Variants in ENKD1 observed in about 807,000 individuals in gnomAD.
ENKD1 encodes the protein enkurin domain-containing protein 1.
ENKD1 carries 39 observed loss-of-function variants against 35.8 expected under a neutral mutation model. That is an observed-to-expected ratio of 1.09 (90% CI 0.84 to 1.42). The LOEUF (loss-of-function observed/expected upper bound fraction) is 1.42. Among genes scored for constraint, ENKD1 ranks in the 40% most tolerant of loss-of-function variants. The pLI is 0.00. For missense variants in ENKD1, 474 were observed against 471.3 expected (o/e 1.01, Z -0.05); for synonymous variants, 205 against 198.6 (o/e 1.03, Z -0.27).
chr16:67,663,667 C>G lies in ENKD1; in HGVS notation c.733G>C (p.Val245Leu). ...EHYNATQKGHVPHYLLERRDL... is the reference protein window; with the variant it reads ...EHYNATQKGHLPHYLLERRDL... ...GGCAGTGAGACCTACTAATGTGGCACATGGCCCTTCTGCGTGGCATTGTAG... is the reference window on the plus strand; with the variant it reads ...GGCAGTGAGACCTACTAATGTGGCAGATGGCCCTTCTGCGTGGCATTGTAG... Residue 245 changes from valine to leucine, a missense_variant, in exon 5 of 7, where the codon GTG becomes CTG. Transcript: ENST00000243878. 6.2e-7 allele frequency: 1 copy of G among 1,611,838 alleles called. No individual in the cohort carries two copies. The highest frequency in any genetic ancestry group is 8.5e-7 in the Non-Finnish European group (1 of 1,178,592).
chr16:67,663,266 C>T lies in ENKD1; in HGVS notation c.936G>A (p.Leu312=), dbSNP rs1294899512. ...LVLLPAGADS[L]RAQSHRAELD... is the part of the protein sequence containing the mutation. ...GCTCAGCACGGTGGCTCTGGGCTCT[C>T]AGTGAGTCTGCCCCAGCAGGCAGCA... The change falls in exon 7 of 7, where the codon CTG becomes CTA. Residue 312 remains leucine, a synonymous_variant. Transcript: ENST00000243878. The T allele has an allele frequency of 1.2e-6, 2 of 1,613,868 alleles. No homozygotes were observed. Among genetic ancestry groups the T allele is most frequent in the Admixed American group, 3.3e-5 (2 of 60,030 alleles).
Position 67,664,019 on chromosome 16 carries a change from C to T in ENKD1, c.497G>A (p.Arg166Gln), listed in dbSNP as rs143645135. Residue 166 changes from arginine to glutamine, a missense_variant, in exon 4 of 7, where the codon CGG (arginine) becomes CAG (glutamine). Coordinates refer to ENST00000243878, the MANE Select transcript of ENKD1 (RefSeq NM_032140.3). ...GCCAGGGCCGCAGCGGGAGTGCGCCCGCAGGAAGTGGGCAGACTCTGTCCC... is the reference window on the plus strand; with the variant it reads ...GCCAGGGCCGCAGCGGGAGTGCGCCTGCAGGAAGTGGGCAGACTCTGTCCC... The part of the protein sequence containing the change: ...ASGTESAHFL[R>Q]AHSRCGPGLP... 0.023 allele frequency: 36,435 copies of T among 1,567,660 alleles called. 496 individuals carry two copies. Among genetic ancestry groups the T allele is most frequent in the Non-Finnish European group, 0.028 (32,399 of 1,155,598 alleles).
At chr16:67,665,292 CT>C in intron 2 of ENKD1, 124 bp from the exon 3 acceptor site, 1 of 994,764 alleles carries the variant, frequency 1.0e-6, no homozygotes, top group Non-Finnish European at 1.5e-6. Context: ...CTCCAACTAC[CT>C]TAGACCCTAC....
At chr16:67,665,492 G>A (rs538437292) in intron 2 of ENKD1, among the ~76,000 whole-genome samples, 1 of 152,106 alleles carries the variant, frequency 6.6e-6, no homozygotes, top group African/African-American at 2.4e-5. Flanking sequence ...CTGCCGAGTA[G>A]CTGGGATTAC....
Position 67,663,422 on chromosome 16 carries a change from T to A in ENKD1, c.878A>T (p.Gln293Leu). Residue 293 changes from glutamine (Q) to leucine (L), a missense_variant and splice_region_variant, in exon 6 of 7, where the codon CAG becomes CTG. Transcript: ENST00000243878. Reference protein sequence around the residue: ...QRLETLTKLLQSQSQLLRELV... With the variant: ...QRLETLTKLLLSQSQLLRELV... ...AGCCTCCCTGCCCAGGTACTCACTC[T>A]GGAGCAGCTTGGTCAGTGTTTCCAG... The A allele has an allele frequency of 6.2e-7, 1 of 1,613,132 alleles. No individual in the cohort carries two copies. The highest frequency in any genetic ancestry group is 1.3e-5 in the African/African-American group (1 of 75,072).
Position 67,666,405 on chromosome 16 carries a change from G to A in ENKD1, c.38C>T (p.Pro13Leu). 6.4e-7 allele frequency: 1 copy of A among 1,561,136 alleles called. No individual in the cohort carries two copies. The highest frequency in any genetic ancestry group is 8.6e-7 in the Non-Finnish European group (1 of 1,161,882). ...EGPSRISGPI[P>L]PDPTLCPDNY... ...GTCAGGACAGAGCGTCGGGTCTGGG[G>A]GGATGGGCCCCGAGATGCGGGACGG... Residue 13 changes from proline to leucine, a missense_variant, in exon 1 of 7, where the codon CCC becomes CTC. By Grantham distance (98) the Pro-to-Leu change is moderately conservative. Transcript: ENST00000243878.
Position 67,666,565 on chromosome 16 carries a change from G to T in ENKD1, c.-123C>A. The T allele has an allele frequency of 1.1e-6, 1 of 935,444 alleles. No individual in the cohort carries two copies. Among genetic ancestry groups the T allele is most frequent in the Non-Finnish European group, 1.5e-6 (1 of 675,618 alleles). The allele number at this position is 935,444 out of a possible 1,614,324, so 57.9% of individuals were successfully genotyped here. On this transcript the variant is annotated 5_prime_UTR_variant, in exon 1 of 7. Transcript: ENST00000243878. ...CCGGCACCCTGACCCTGGCGTGCCC[G>T]CCACTCCCGGGCCCCTGCCGGTCCC...
rs549456597 is a variant in ENKD1, at chr16:67,664,169, G to A, written c.454-107C>T. 1,984 of 993,680 alleles carry A rather than the reference G, an allele frequency of 2.0e-3. 4 individuals are homozygous for A. The highest frequency in any genetic ancestry group is 4.3e-3 in the Middle Eastern group (21 of 4,886). The allele number at this position is 993,680 out of a possible 1,614,324, so 61.6% of individuals were successfully genotyped here. ...TCTGACCTTTGCATCCATGTCCCTC[G>A]GGCCCTCTTCCCTCTTCAAGGGACA... On this transcript the variant is annotated intron_variant, in intron 3 of 6. Transcript: ENST00000243878.
In ENKD1 at chr16:67,666,618, C is replaced by T. The variant is rs544681527; in HGVS notation, c.-176G>A. The T allele has an allele frequency of 5.3e-5, 30 of 563,238 alleles. No individual in the cohort carries two copies. In the East Asian group the frequency reaches 9.4e-4, roughly 18 times the overall value. The allele number at this position is 563,238 out of a possible 1,614,324, so 34.9% of individuals were successfully genotyped here. ...CCTGGGCCCCGGCCTCGCTCGCCAC[C>T]TCCGCGACCTCTGCTCCCAGCCCAC... On this transcript the variant is annotated 5_prime_UTR_variant, in exon 1 of 7. Coordinates refer to ENST00000243878, the MANE Select transcript of ENKD1 (RefSeq NM_032140.3).
chr16:67,666,109 A>T lies in ENKD1; in HGVS notation c.242T>A (p.Leu81His). 1 of 1,612,752 alleles carries T rather than the reference A, an allele frequency of 6.2e-7. No individual in the cohort carries two copies. The highest frequency in any genetic ancestry group is 8.5e-7 in the Non-Finnish European group (1 of 1,179,968). Residue 81 changes from leucine to histidine, a missense_variant, in exon 2 of 7, where the codon CTC (leucine) becomes CAC (histidine). Leu to His is a moderately conservative substitution (Grantham distance 99). Transcript: ENST00000243878. ...CCCAGGACCTAGGGAGATCCCCTCGAGTTGCAACAGCACGTCCCCGACGCC... is the reference window on the plus strand; with the variant it reads ...CCCAGGACCTAGGGAGATCCCCTCGTGTTGCAACAGCACGTCCCCGACGCC... ...QRGVGDVLLQ[L>H]EGISLGPGAS...
chr16:67,664,885 T>C, intron 3 of ENKD1, 111 bp downstream of exon 3: 1 of 1,369,654 alleles, frequency 7.3e-7, no homozygotes, highest in Non-Finnish European at 9.8e-7. Context: ...CAGGGTCTCT[T>C]AGTCCTCTGT....
At position 67,665,103 on chromosome 16, in the gene ENKD1, T is replaced by C. The variant is rs577391610; in HGVS notation, c.346A>G (p.Arg116Gly). 6.2e-7 allele frequency: 1 copy of C among 1,613,980 alleles called. No homozygotes were observed. Among genetic ancestry groups the C allele is most frequent in the African/African-American group, 1.3e-5 (1 of 75,054 alleles). ...TGCTCCCGGCTGCGCTCCTGTTCTCTGAAGCGCTTCTGAATCTCCCTGATC... is the reference window on the plus strand; with the variant it reads ...TGCTCCCGGCTGCGCTCCTGTTCTCCGAAGCGCTTCTGAATCTCCCTGATC... ...RRIREIQKRFREQERSREQGQ... is the reference protein window; with the variant it reads ...RRIREIQKRFGEQERSREQGQ... Residue 116 changes from arginine (R) to glycine (G), a missense_variant, in exon 3 of 7, where the codon AGA becomes GGA. By Grantham distance (125) the Arg-to-Gly change is moderately radical (BLOSUM62 -2). Transcript: ENST00000243878.
At position 67,666,364 on chromosome 16, in the gene ENKD1, T is replaced by G; in HGVS notation, c.79A>C (p.Thr27Pro). ...TLCPDNYRRPTSAQGRLEGNA... is the reference protein window; with the variant it reads ...TLCPDNYRRPPSAQGRLEGNA... ...GCCAAGCCCCCGGACTCACCCGAGG[T>G]CGGCCGCCTGTAGTTGTCAGGACAG... is the stretch of plus-strand genomic sequence containing the variant. The change falls in exon 1 of 7, where the codon ACC becomes CCC. Residue 27 changes from threonine (T) to proline (P), a missense_variant. Thr to Pro is a conservative substitution (Grantham distance 38). Transcript: ENST00000243878. 6.3e-7 allele frequency: 1 copy of G among 1,578,214 alleles called. No individual in the cohort carries two copies. The highest frequency in any genetic ancestry group is 1.1e-5 in the South Asian group (1 of 88,426).
At chr16:67,665,975 A>T in intron 2 of ENKD1, 96 bp downstream of exon 2, 1 of 1,350,524 alleles carries the variant, frequency 7.4e-7, no homozygotes, top group South Asian at 1.4e-5. Flanking sequence ...AGAGATGCAA[A>T]GCCTGGGCCC....
At chr16:67,664,326 C>G (rs1201428624) in intron 3 of ENKD1, 2 of 549,532 alleles carry the variant, frequency 3.6e-6, no homozygotes, top group South Asian at 3.5e-5. Flanking sequence ...CTTCCTGGCT[C>G]TAGCCCTGCA....
rs772946321 is a variant in ENKD1, at chr16:67,663,402, C to T, written c.880+18G>A. The T allele has an allele frequency of 6.2e-7, 1 of 1,612,350 alleles. No individual in the cohort carries two copies. The highest frequency in any genetic ancestry group is 1.3e-5 in the African/African-American group (1 of 74,934). On this transcript the variant is annotated intron_variant, in intron 6 of 6. Transcript: ENST00000243878. ...CCCCAGTGGGGCCCCCCTCCAGCCT[C>T]CCTGCCCAGGTACTCACTCTGGAGC...
At position 67,666,330 on chromosome 16, in the gene ENKD1, C is replaced by G. The variant is rs777267669; in HGVS notation, c.85+28G>C. On this transcript the variant is annotated intron_variant, in intron 1 of 6. Transcript: ENST00000243878. ...GGAGCCAGGGCCGACCCCTGAGCCT[C>G]GCACCACCGCCAAGCCCCCGGACTC... The G allele has an allele frequency of 5.7e-6, 9 of 1,586,298 alleles. No homozygotes were observed. In the South Asian group the frequency reaches 1.0e-4, roughly 18 times the overall value.
At chr16:67,663,370 GC>G (rs1286733330) in intron 6 of ENKD1, 49 bp from the exon 7 acceptor site, 1 of 1,611,678 alleles carries the variant, frequency 6.2e-7, no homozygotes, top group Middle Eastern at 1.6e-4. Flanking sequence ...GGGCAGGGGT[GC>G]CCGGTCCCCA....
rs778342079 is a variant in ENKD1 at position 67,663,259 on chromosome 16, G to A, written c.943C>T (p.Gln315Ter). ...LPAGADSLRA[Q>*]SHRAELDRKL... ...CGGTCCAGCTCAGCACGGTGGCTCT[G>A]GGCTCTCAGTGAGTCTGCCCCAGCA... The change falls in exon 7 of 7, where the codon CAG (glutamine) becomes TAG (stop). Residue 315 changes from glutamine (Q) to a stop codon, truncating the protein, a stop_gained. Transcript: ENST00000243878. LOFTEE classifies it high-confidence loss of function. The A allele has an allele frequency of 1.9e-6, 3 of 1,613,910 alleles. No homozygotes were observed. The South Asian group carries it at 3.3e-5, about 18-fold the overall frequency.
Sources: allele counts gnomAD v4.1 joint callset (sites outside exome capture counted in the v4.1 genomes callset), GRCh38; gene constraint gnomAD v4.1.1; transcripts MANE v1.5; gene names NCBI Gene and HGNC (gene_info 2026-07-23, HGNC 2026-07-21).